Variants in SDK1 observed in about 807,000 individuals in gnomAD.
SDK1 encodes sidekick cell adhesion molecule 1, also known as protein sidekick-1.
Under a neutral mutation model 245.5 loss-of-function variants are expected in SDK1, and 157 were observed. That is an observed-to-expected ratio of 0.64 (90% CI 0.56 to 0.73). The LOEUF is 0.73. Ranked by LOEUF, SDK1 falls within the 30% of genes least tolerant of loss-of-function variation. The pLI is 0.00. For synonymous variants in SDK1, 1,647 were observed against 1,278.5 expected, an observed-to-expected ratio of 1.29 and a Z score of -6.15; for missense variants, 3,583 against 3,002.3, an observed-to-expected ratio of 1.19 and a Z score of -4.52.
intron 5 of SDK1, among the ~76,000 whole-genome samples, chr7:3,913,514 C>G (rs1358858381): frequency 6.6e-6 from 1 of 151,958 alleles, no homozygotes; most frequent in Non-Finnish European, 1.5e-5. Context: ...AGGATGGTCT[C>G]GATCTCCTGA....
intron 25 of SDK1, among the ~76,000 whole-genome samples, chr7:4,115,928 C>T (rs771975033): frequency 1.3e-5 from 2 of 152,156 alleles, no homozygotes; most frequent in Non-Finnish European, 1.5e-5. Context: ...AAGTGCGTGA[C>T]GGGTATCAGA....
chr7:3,818,150 G>A (rs1181022889), intron 4 of SDK1, among the ~76,000 whole-genome samples: 22 of 152,168 alleles, frequency 1.4e-4, no homozygotes, highest in Non-Finnish European at 1.5e-5. Flanking sequence ...ATTTTTAAAT[G>A]TACAAAGATG....
At chr7:4,153,130 G>A (rs945672549) in intron 30 of SDK1, among the ~76,000 whole-genome samples, 4 of 152,104 alleles carry the variant, frequency 2.6e-5, no homozygotes, top group Non-Finnish European at 5.9e-5. Flanking sequence ...GGATAGGTGC[G>A]GGGGTTCCAA....
At chr7:3,691,728 A>C (rs955008372) in intron 4 of SDK1, among the ~76,000 whole-genome samples, 1 of 152,130 alleles carries the variant, frequency 6.6e-6, no homozygotes, top group African/African-American at 2.4e-5. Context: ...TCAGGTGTGA[A>C]TGCGTAGAAG....
At chr7:4,224,982 C>CAAAAAAAAAAA (rs3038664) in intron 40 of SDK1, among the ~76,000 whole-genome samples, 2 of 43,716 alleles carry the variant, frequency 4.6e-5, no homozygotes, top group African/African-American at 6.8e-5. Flanking sequence ...GACTCTGTCT[C>CAAAAAAAAAAA]AAAAAAAAAA....
chr7:3,452,484 C>T (rs74587281), intron 1 of SDK1, among the ~76,000 whole-genome samples: 5 of 152,150 alleles, frequency 3.3e-5, no homozygotes, highest in African/African-American at 1.2e-4. Flanking sequence ...ATTAGTATGT[C>T]AAAAAAGCAA....
chr7:3,526,633 C>T (rs1418661739), intron 1 of SDK1, among the ~76,000 whole-genome samples: 2 of 152,144 alleles, frequency 1.3e-5, no homozygotes, highest in Non-Finnish European at 2.9e-5. Flanking sequence ...ACTTTCATTT[C>T]TCTTTTTCAC....
At chr7:3,855,678 C>G (rs1464833441) in intron 5 of SDK1, among the ~76,000 whole-genome samples, 3 of 152,134 alleles carry the variant, frequency 2.0e-5, no homozygotes, top group Admixed American at 2.0e-4. Context: ...AAGCCCTAGG[C>G]AATTTTCCAT....
chr7:3,563,867 A>G (rs1779824473), intron 1 of SDK1, among the ~76,000 whole-genome samples: 1 of 152,196 alleles, frequency 6.6e-6, no homozygotes, highest in South Asian at 2.1e-4. Context: ...ATAATGCAAT[A>G]AAATAAGAAA....
At chr7:4,171,950 C>T (rs1309614773) in intron 32 of SDK1, among the ~76,000 whole-genome samples, 2 of 152,210 alleles carry the variant, frequency 1.3e-5, no homozygotes, top group Non-Finnish European at 2.9e-5. Context: ...CACCCCCAGA[C>T]GACAGCTCTC....
At chr7:3,649,752 A>T (rs557886681) in intron 4 of SDK1, among the ~76,000 whole-genome samples, 192 of 152,284 alleles carry the variant, frequency 1.3e-3, no homozygotes, top group African/African-American at 4.3e-3. Flanking sequence ...CGTGGGAGCC[A>T]CTTGACTCCT....
At chr7:3,467,343 T>C (rs1000243489) in intron 1 of SDK1, among the ~76,000 whole-genome samples, 5 of 152,082 alleles carry the variant, frequency 3.3e-5, no homozygotes, top group African/African-American at 1.2e-4. Context: ...ATTCATGTAA[T>C]TAAGAGCCCC....
chr7:4,005,562 C>G lies in SDK1; in HGVS notation c.2132-5404C>G, dbSNP rs941722074. Among the ~76,000 whole-genome samples, 6 of 152,142 alleles carry G rather than the reference C, an allele frequency of 3.9e-5. No individual in the cohort carries two copies. In the East Asian group the frequency reaches 1.2e-3, roughly 29 times the overall value. On this transcript the variant is annotated intron_variant, in intron 14 of 44. Coordinates refer to ENST00000404826, the MANE Select transcript of SDK1 (RefSeq NM_152744.4). The stretch of plus-strand genomic sequence containing the variant: ...CTAGGTAGCCGCCACCTGTGAAATT[C>G]AGCAGAAGTTATTTAAACTTCCCTG...
At chr7:3,422,199 A>G (rs960126474) in intron 1 of SDK1, among the ~76,000 whole-genome samples, 1 of 152,224 alleles carries the variant, frequency 6.6e-6, no homozygotes, top group Non-Finnish European at 1.5e-5. Flanking sequence ...ATCAAATGCA[A>G]TAATTCTATA....
chr7:4,088,895 G>T (rs1024203679), intron 22 of SDK1, among the ~76,000 whole-genome samples: 1 of 152,184 alleles, frequency 6.6e-6, no homozygotes, highest in East Asian at 1.9e-4. Context: ...GAGGACTCTC[G>T]TGGGCATCTG....
chr7:3,723,455 T>A (rs1342755091), intron 4 of SDK1, among the ~76,000 whole-genome samples: 5 of 152,192 alleles, frequency 3.3e-5, no homozygotes, highest in Non-Finnish European at 7.3e-5. Context: ...ATGGGGTAAG[T>A]TAAAAGAGAT....
At chr7:3,818,781 C>G (rs1308091864) in intron 4 of SDK1, among the ~76,000 whole-genome samples, 1 of 152,190 alleles carries the variant, frequency 6.6e-6, no homozygotes, top group East Asian at 1.9e-4. Context: ...TCTCTCTATT[C>G]TGCTGCCACA....
At chr7:3,549,392 T>G (rs1445840673) in intron 1 of SDK1, among the ~76,000 whole-genome samples, 1 of 152,216 alleles carries the variant, frequency 6.6e-6, no homozygotes, top group Admixed American at 6.5e-5. Context: ...TGCCAAGTAT[T>G]TGATATACAT....
chr7:3,301,857 C>T lies in SDK1; in HGVS notation c.271C>T (p.Leu91=). Residue 91 remains leucine, a synonymous_variant, in exon 1 of 45, where the codon CTG becomes TTG. Coordinates refer to ENST00000404826, the MANE Select transcript of SDK1 (RefSeq NM_152744.4). The part of the protein sequence containing the change: ...RGWWALLALQ[L]HLLRALAQDD... Reference sequence around the variant, plus strand: ...CTGGTGGGCGCTGCTGGCGCTGCAGCTGCACTTGCTCCGGGCGCTGGCGCA... The same window carrying T: ...CTGGTGGGCGCTGCTGGCGCTGCAGTTGCACTTGCTCCGGGCGCTGGCGCA... 2 of 1,135,988 alleles carry T rather than the reference C, an allele frequency of 1.8e-6. No individual in the cohort carries two copies. Among genetic ancestry groups the T allele is most frequent in the Non-Finnish European group, 2.2e-6 (2 of 927,294 alleles). The allele number at this position is 1,135,988 out of a possible 1,614,324, so 70.4% of individuals were successfully genotyped here.
Sources: gnomAD v4.1 joint callset for allele counts (sites outside exome capture counted in the v4.1 genomes callset) on GRCh38, gnomAD v4.1.1 for gene constraint, MANE v1.5 for transcripts, NCBI Gene and HGNC (gene_info 2026-07-23, HGNC 2026-07-21) for gene names.